HAX1: variants seen among roughly 807,000 people sequenced by gnomAD.
HAX1 encodes HCLS1-associated protein X-1.
HAX1 carries 27 observed loss-of-function variants against 31.1 expected under a neutral mutation model. The observed-to-expected ratio is 0.87, with a 90% confidence interval of 0.64 to 1.20. HAX1 has a LOEUF of 1.20. Among genes scored for constraint, HAX1 ranks in the 50% most tolerant of loss-of-function variants. The pLI is 0.00. For synonymous variants in HAX1, 114 were observed against 124.1 expected (o/e 0.92, Z 0.54); for missense variants, 357 against 361.6 (o/e 0.99, Z 0.10).
chr1:154,273,255 G>A (rs1475464587), intron 1 of HAX1, 81 bp from the exon 2 acceptor site: 9 of 1,584,038 alleles, frequency 5.7e-6, no homozygotes, highest in Non-Finnish European at 7.7e-6. Context: ...CCTTGCTCTT[G>A]TCCCACTTTG....
intron 1 of HAX1, 32 bp downstream of exon 1, chr1:154,272,808 G>A: frequency 6.2e-7 from 1 of 1,604,630 alleles, no homozygotes; most frequent in Non-Finnish European, 8.5e-7. Context: ...ACAAGGGTGG[G>A]GGTCGTCTGA....
chr1:154,273,216 C>T, intron 1 of HAX1, 120 bp from the exon 2 acceptor site: 1 of 1,130,542 alleles, frequency 8.8e-7, no homozygotes, highest in Admixed American at 1.8e-5. Context: ...GCAGCCAGTC[C>T]TCCGACCCTC....
At chr1:154,272,912 C>T (rs964891559) in intron 1 of HAX1, 136 bp downstream of exon 1, 6 of 757,198 alleles carry the variant, frequency 7.9e-6, no homozygotes, top group Non-Finnish European at 1.4e-5. Context: ...CAACATTGAA[C>T]ACTCACCCCG....
rs1316839614 is a variant in HAX1 at position 154,275,456 on chromosome 1, C to A, written c.727C>A (p.His243Asn). 1 of 1,614,086 alleles carries A rather than the reference C, an allele frequency of 6.2e-7. No homozygotes were observed. Among genetic ancestry groups the A allele is most frequent in the African/African-American group, 1.3e-5 (1 of 75,030 alleles). Residue 243 changes from histidine (H) to asparagine (N), a missense_variant, in exon 6 of 7, where the codon CAC (histidine) becomes AAC (asparagine). By Grantham distance (68) the His-to-Asn change is moderately conservative. Coordinates refer to ENST00000328703, the MANE Select transcript of HAX1 (RefSeq NM_006118.4). The stretch of plus-strand genomic sequence containing the variant: ...CCGGACAGAGACTACAGTAACCCGA[C>A]ACGAAGCAGATAGCAGTCCTAGGGG... Reference protein sequence around the residue: ...EGRTETTVTRHEADSSPRGDP... With the variant: ...EGRTETTVTRNEADSSPRGDP...
At chr1:154,273,750 C>T in intron 2 of HAX1, 24 bp from the exon 3 acceptor site, 1 of 1,613,954 alleles carries the variant, frequency 6.2e-7, no homozygotes, top group East Asian at 2.2e-5. Context: ...CCCATCCCAG[C>T]AAACACCTGC....
intron 6 of HAX1, 48 bp from the exon 7 acceptor site, chr1:154,275,568 C>T (rs1684915648): frequency 4.4e-6 from 7 of 1,576,290 alleles, no homozygotes; most frequent in Non-Finnish European, 6.1e-6. Context: ...TTGCTTCTGC[C>T]TAGTCTCTTT....
At chr1:154,275,361 A>T (rs1684910223) in intron 5 of HAX1, 32 bp from the exon 6 acceptor site, 1 of 1,599,976 alleles carries the variant, frequency 6.3e-7, no homozygotes, top group Non-Finnish European at 8.6e-7. Flanking sequence ...CTTTAGTAAC[A>T]TTCGGAATAT....
chr1:154,274,736 G>C (rs1684895873), intron 3 of HAX1, among the ~76,000 whole-genome samples: 1 of 152,158 alleles, frequency 6.6e-6, no homozygotes, highest in Non-Finnish European at 1.5e-5. Flanking sequence ...AGGCAGGATT[G>C]TGCACAGAGG....
chr1:154,273,119 AGGGAG>A (rs1226875167), intron 1 of HAX1: 1 of 605,574 alleles, frequency 1.7e-6, no homozygotes. Context: ...AGGTGTATGA[AGGGAG>A]CTGCGAGCTG....
chr1:154,275,117 CTT>C, intron 4 of HAX1, 35 bp from the exon 5 acceptor site: 1 of 1,503,382 alleles, frequency 6.7e-7, no homozygotes, highest in Non-Finnish European at 9.3e-7. Context: ...CCTTTGGACT[CTT>C]TCTCTCCTGC....
Position 154,273,481 on chromosome 1 carries a change from T to C in HAX1, c.199T>C (p.Phe67Leu). Residue 67 changes from phenylalanine to leucine, a missense_variant, in exon 2 of 7, where the codon TTC becomes CTC. Coordinates refer to ENST00000328703, the MANE Select transcript of HAX1 (RefSeq NM_006118.4). ...PPEEFGFGFS[F>L]SPGGGIRFHD... ...TGAGGAATTTGGCTTCGGCTTCAGCTTCAGCCCAGGAGGAGGGATACGTTT... is the reference window on the plus strand; with the variant it reads ...TGAGGAATTTGGCTTCGGCTTCAGCCTCAGCCCAGGAGGAGGGATACGTTT... 1 of 1,614,156 alleles carries C rather than the reference T, an allele frequency of 6.2e-7. No individual in the cohort carries two copies. The highest frequency in any genetic ancestry group is 8.5e-7 in the Non-Finnish European group (1 of 1,180,018).
At chr1:154,274,923 T>C (rs1684898835) in intron 3 of HAX1, 27 bp from the exon 4 acceptor site, 3 of 1,584,424 alleles carry the variant, frequency 1.9e-6, no homozygotes, top group Non-Finnish European at 2.6e-6. Context: ...GAAGGAGTCT[T>C]TTCACTTACT....
In HAX1 at chr1:154,274,978, A is replaced by G; in HGVS notation, c.533A>G (p.His178Arg). The change falls in exon 4 of 7, where the codon CAT (histidine) becomes CGT (arginine). Residue 178 changes from histidine (H) to arginine (R), a missense_variant. Coordinates refer to ENST00000328703, the MANE Select transcript of HAX1 (RefSeq NM_006118.4). ...GATGATGTATGGCCTATGGACCCCC[A>G]TCCTAGAACCAGAGAGGACAATGGT... is the stretch of plus-strand genomic sequence containing the variant. ...RFDDVWPMDP[H>R]PRTREDNDLD... 2.5e-6 allele frequency: 4 copies of G among 1,611,942 alleles called. No homozygotes were observed. The highest frequency in any genetic ancestry group is 3.4e-6 in the Non-Finnish European group (4 of 1,177,996).
At position 154,273,539 on chromosome 1, in the gene HAX1, G is replaced by A. The variant is rs764314442; in HGVS notation, c.257G>A (p.Arg86Gln). The change falls in exon 2 of 7, where the codon CGA (arginine) becomes CAA (glutamine). Residue 86 changes from arginine to glutamine, a missense_variant. Transcript: ENST00000328703. Reference sequence around the variant, plus strand: ...AACTTCGGCTTTGATGACCTAGTACGAGATTTCAATAGCATCTTCAGCGAT... The same window carrying A: ...AACTTCGGCTTTGATGACCTAGTACAAGATTTCAATAGCATCTTCAGCGAT... Reference protein sequence around the residue: ...HDNFGFDDLVRDFNSIFSDMG... With the variant: ...HDNFGFDDLVQDFNSIFSDMG... The A allele has an allele frequency of 1.2e-4, 196 of 1,614,036 alleles. 1 individual carries two copies. The highest frequency in any genetic ancestry group is 1.6e-4 in the Non-Finnish European group (183 of 1,180,032).
chr1:154,274,536 C>T (rs1281679082), intron 3 of HAX1, among the ~76,000 whole-genome samples: 1 of 152,182 alleles, frequency 6.6e-6, no homozygotes, highest in Non-Finnish European at 1.5e-5. Flanking sequence ...TGTGAGCCAT[C>T]ATGCCTGGCC....
Position 154,272,669 on chromosome 1 carries a change from C to G in HAX1, c.-55C>G. ...TTCTCACAGGGCTGCGCAGGTTTCC[C>G]CCGTCTGCGAATGGACCACTGGAGG... On this transcript the variant is annotated 5_prime_UTR_variant, in exon 1 of 7. Coordinates refer to ENST00000328703, the MANE Select transcript of HAX1 (RefSeq NM_006118.4). The G allele has an allele frequency of 7.0e-6, 11 of 1,573,844 alleles. No homozygotes were observed. The South Asian group carries it at 1.1e-4, about 16-fold the overall frequency.
Position 154,274,966 on chromosome 1 carries a change from C to A in HAX1, c.521C>A (p.Pro174His), listed in dbSNP as rs1257711613. ...RPFHRFDDVW[P>H]MDPHPRTRED... ...CTTCTGCAGTTTGATGATGTATGGC[C>A]TATGGACCCCCATCCTAGAACCAGA... The change falls in exon 4 of 7, where the codon CCT (proline) becomes CAT (histidine). Residue 174 changes from proline (P) to histidine (H), a missense_variant. Physicochemically the swap from Pro to His is moderately conservative, Grantham distance 77 (BLOSUM62 -2). Coordinates refer to ENST00000328703, the MANE Select transcript of HAX1 (RefSeq NM_006118.4). 1 of 1,611,046 alleles carries A rather than the reference C, an allele frequency of 6.2e-7. No individual in the cohort carries two copies. Among genetic ancestry groups the A allele is most frequent in the Non-Finnish European group, 8.5e-7 (1 of 1,177,234 alleles).
At chr1:154,274,101 A>G in intron 3 of HAX1, 140 bp downstream of exon 3, 1 of 751,078 alleles carries the variant, frequency 1.3e-6, no homozygotes, top group South Asian at 1.5e-5. Context: ...AGAGGTCAGG[A>G]GTTGGAGACC....
At chr1:154,272,983 G>C in intron 1 of HAX1, 1 of 629,988 alleles carries the variant, frequency 1.6e-6, no homozygotes, top group Non-Finnish European at 2.8e-6. Flanking sequence ...TCTCCAACCT[G>C]GGGTGATGCA....
Sources: allele counts gnomAD v4.1 joint callset (sites outside exome capture counted in the v4.1 genomes callset), GRCh38; gene constraint gnomAD v4.1.1; transcripts MANE v1.5; gene names NCBI Gene and HGNC (gene_info 2026-07-23, HGNC 2026-07-21).